Variants in NME5 observed in about 807,000 individuals in gnomAD.
NME5 encodes the protein nucleoside diphosphate kinase 5.
A neutral mutation model predicts 21.6 loss-of-function variants in NME5; 18 were observed. The ratio of observed to expected loss-of-function variants is 0.83; its 90% CI spans 0.58 to 1.24. NME5 has a LOEUF of 1.24. Among genes scored for constraint, NME5 ranks in the 50% most tolerant of loss-of-function variants. The pLI, the probability that NME5 is intolerant of heterozygous loss-of-function variation, is 0.00. For synonymous variants in NME5, 70 were observed against 80.6 expected (o/e 0.87, Z 0.71); for missense variants, 223 against 255.4 (o/e 0.87, Z 0.86).
At chr5:138,135,257 G>T (rs975327428) in intron 2 of NME5, among the ~76,000 whole-genome samples, 9 of 144,074 alleles carry the variant, frequency 6.2e-5, no homozygotes, top group African/African-American at 2.0e-4. Context: ...GGCGGAGCTT[G>T]CCGTGAGCCG....
chr5:138,119,162 G>A (rs1290863467), intron 4 of NME5, among the ~76,000 whole-genome samples: 1 of 151,906 alleles, frequency 6.6e-6, no homozygotes, highest in African/African-American at 2.4e-5. Context: ...GAGTAGCTGG[G>A]ACTACAGGTC....
intron 4 of NME5, chr5:138,127,291 A>T (rs546556182): frequency 1.5e-5 from 4 of 268,800 alleles, no homozygotes; most frequent in Non-Finnish European, 2.3e-5. Context: ...TTGGCACTAA[A>T]AAGTAACAGA....
chr5:138,118,914 A>G lies in NME5; in HGVS notation c.459T>C (p.Ile153=). 3.1e-6 allele frequency: 5 copies of G among 1,608,402 alleles called. No individual in the cohort carries two copies. The South Asian group carries it at 5.5e-5, about 18-fold the overall frequency. The stretch of plus-strand genomic sequence containing the variant: ...TTAAATAGTCCTTAGCAGCTTGTCC[A>G]ATTGGAATGGGCTCAACAATCACTG... ...FPEVIVEPIP[I]GQAAKDYLNL... Residue 153 remains isoleucine, a synonymous_variant, in exon 5 of 6, where the codon ATT becomes ATC. Coordinates refer to ENST00000265191, the MANE Select transcript of NME5 (RefSeq NM_003551.3).
rs371915267 is a variant in NME5, at chr5:138,129,244, C to T, written c.335+19G>A. 3.1e-4 allele frequency: 489 copies of T among 1,573,838 alleles called. 1 individual carries two copies. Among genetic ancestry groups the T allele is most frequent in the South Asian group, 1.5e-3 (134 of 90,184 alleles). ...AGATGGATTCCATTCCCTGCCATCCCCCAAACCCTGAAAATTACCTGTCTG... is the reference window on the plus strand; with the variant it reads ...AGATGGATTCCATTCCCTGCCATCCTCCAAACCCTGAAAATTACCTGTCTG... On this transcript the variant is annotated intron_variant, in intron 3 of 5. Coordinates refer to ENST00000265191, the MANE Select transcript of NME5 (RefSeq NM_003551.3).
intron 2 of NME5, among the ~76,000 whole-genome samples, chr5:138,134,831 T>C (rs1373146235): frequency 7.7e-6 from 1 of 129,862 alleles, no homozygotes; most frequent in Admixed American, 8.1e-5. Flanking sequence ...GTTCACGCCA[T>C]TCTCCTGCCT....
In NME5 at chr5:138,138,767, A is replaced by G; in HGVS notation, c.14T>C (p.Met5Thr). Residue 5 changes from methionine to threonine, a missense_variant, in exon 2 of 6, where the codon ATG becomes ACG. Coordinates refer to ENST00000265191, the MANE Select transcript of NME5 (RefSeq NM_003551.3). The part of the protein sequence containing the change: MEIS[M>T]PPPQIYVEKT... ...TTCTACATATATCTGAGGTGGAGGC[A>G]TTGATATCTCCATTATGGCTTTTCA... 6.2e-7 allele frequency: 1 copy of G among 1,610,702 alleles called. No homozygotes were observed. The highest frequency in any genetic ancestry group is 8.5e-7 in the Non-Finnish European group (1 of 1,179,228).
chr5:138,125,504 A>G (rs1751376887), intron 4 of NME5, among the ~76,000 whole-genome samples: 1 of 152,160 alleles, frequency 6.6e-6, no homozygotes, highest in South Asian at 2.1e-4. Context: ...GCTTGAGGAC[A>G]AGAGTTTAAG....
intron 5 of NME5, among the ~76,000 whole-genome samples, chr5:138,117,112 T>C (rs946084445): frequency 1.4e-5 from 2 of 145,316 alleles, no homozygotes; most frequent in Admixed American, 7.3e-5. Flanking sequence ...GGCAGCCTGG[T>C]GCACAAGAAT....
rs1212632664 is a variant in NME5 at position 138,138,630 on chromosome 5, AATC to A, written c.129+19_129+21del. 1.3e-6 allele frequency: 2 copies of A among 1,597,676 alleles called. No homozygotes were observed. The highest frequency in any genetic ancestry group is 2.7e-5 in the African/African-American group (2 of 73,800). ...TAAGGGCAGAGAGGAAAAAAGCATG[AATC>A]ATCATACCCAGAAGTTACCTGAACA... On this transcript the variant is annotated intron_variant, in intron 2 of 5. Coordinates refer to ENST00000265191, the MANE Select transcript of NME5 (RefSeq NM_003551.3).
At chr5:138,125,436 G>A (rs61197353) in intron 4 of NME5, among the ~76,000 whole-genome samples, 3 of 152,146 alleles carry the variant, frequency 2.0e-5, no homozygotes, top group Admixed American at 6.6e-5. Flanking sequence ...AAAATTAGCC[G>A]AGCATGGTGG....
intron 2 of NME5, among the ~76,000 whole-genome samples, chr5:138,134,151 C>T (rs186128544): frequency 6.3e-4 from 96 of 152,334 alleles, no homozygotes; most frequent in African/African-American, 2.2e-3. Flanking sequence ...TCTCAGTTCA[C>T]TGCAACCTCC....
At chr5:138,130,489 T>G (rs1025655773) in intron 2 of NME5, among the ~76,000 whole-genome samples, 35 of 152,262 alleles carry the variant, frequency 2.3e-4, no homozygotes, top group Non-Finnish European at 4.1e-4. Context: ...TGATTCACTG[T>G]AACATTAAGA....
chr5:138,127,865 T>C (rs1466884965), intron 4 of NME5, among the ~76,000 whole-genome samples: 1 of 152,172 alleles, frequency 6.6e-6, no homozygotes, highest in Non-Finnish European at 1.5e-5. Context: ...CCTTTCAGGA[T>C]AACTAGAAAG....
intron 2 of NME5, 36 bp downstream of exon 2, chr5:138,138,616 A>AG: frequency 6.3e-7 from 1 of 1,584,414 alleles, no homozygotes; most frequent in Non-Finnish European, 8.6e-7. Context: ...AAGGGCAGAG[A>AG]GGAAAAAAGC....
intron 4 of NME5, among the ~76,000 whole-genome samples, chr5:138,125,983 G>T (rs1196364173): frequency 1.3e-5 from 2 of 152,116 alleles, no homozygotes; most frequent in African/African-American, 4.8e-5. Flanking sequence ...GTGAATCATC[G>T]TATAAAGTTT....
intron 5 of NME5, among the ~76,000 whole-genome samples, chr5:138,118,595 C>A (rs960024386): frequency 6.6e-6 from 1 of 152,026 alleles, no homozygotes; most frequent in Non-Finnish European, 1.5e-5. Flanking sequence ...AGTGATTCTC[C>A]TGCCTCAGCC....
At chr5:138,132,115 T>C (rs922255508) in intron 2 of NME5, among the ~76,000 whole-genome samples, 5 of 152,186 alleles carry the variant, frequency 3.3e-5, no homozygotes, top group East Asian at 3.9e-4. Context: ...ATCCCAGCAC[T>C]CTGGGAGACC....
chr5:138,139,185 G>A, intron 1 of NME5, 186 bp downstream of exon 1: 1 of 214,140 alleles, frequency 4.7e-6, no homozygotes, highest in Non-Finnish European at 8.3e-6. Flanking sequence ...TGGCTGGTGG[G>A]CAACCACACA....
At chr5:138,129,502 A>C in intron 2 of NME5, 34 bp from the exon 3 acceptor site, 1 of 1,500,208 alleles carries the variant, frequency 6.7e-7, no homozygotes, top group East Asian at 2.3e-5. Flanking sequence ...AAAGCATTTA[A>C]AATGACAGTT....
Sources: allele counts gnomAD v4.1 joint callset (sites outside exome capture counted in the v4.1 genomes callset), GRCh38; gene constraint gnomAD v4.1.1; transcripts MANE v1.5; gene names NCBI Gene and HGNC (gene_info 2026-07-23, HGNC 2026-07-21).